Variants in BRWD1 observed in about 807,000 individuals in gnomAD.
BRWD1 encodes bromodomain and WD repeat-containing protein 1.
Under a neutral mutation model 251.2 loss-of-function variants are expected in BRWD1, and 82 were observed. The ratio of observed to expected loss-of-function variants is 0.33; its 90% CI spans 0.27 to 0.39. The LOEUF is 0.39. BRWD1 is among the 10% of genes least tolerant of loss of function. The pLI is 1.00. For synonymous variants in BRWD1, 918 were observed against 902.8 expected, an observed-to-expected ratio of 1.02 and a Z score of -0.30; for missense variants, 2,233 against 2,711.6, an observed-to-expected ratio of 0.82 and a Z score of 3.92.
chr21:39,261,531 C>G (rs1366697073), intron 17 of BRWD1, among the ~76,000 whole-genome samples: 1 of 152,102 alleles, frequency 6.6e-6, no homozygotes, highest in African/African-American at 2.4e-5. Flanking sequence ...TTTCTACCCA[C>G]CCATGATCCA....
At chr21:39,302,834 C>T (rs919065130) in intron 4 of BRWD1, among the ~76,000 whole-genome samples, 3 of 151,046 alleles carry the variant, frequency 2.0e-5, no homozygotes, top group African/African-American at 7.3e-5. Flanking sequence ...CCCAGACAGG[C>T]GGATCACTTG....
At chr21:39,313,358 A>AGCCGGGGGGGCCC (rs1568987332) in intron 1 of BRWD1, 59 bp from the exon 2 acceptor site, 9 of 1,462,836 alleles carry the variant, frequency 6.2e-6, no homozygotes, top group African/African-American at 4.4e-5. Context: ...GGACGGGGCC[A>AGCCGGGGGGGCCC]GGGGAGCCGG....
chr21:39,285,529 C>A (rs1175298688), intron 8 of BRWD1, among the ~76,000 whole-genome samples: 1 of 151,958 alleles, frequency 6.6e-6, no homozygotes, highest in Non-Finnish European at 1.5e-5. Context: ...ATATAATTAC[C>A]CTCATTTGAT....
rs976074496 is a variant in BRWD1, at chr21:39,189,992, T to A, written c.*6267A>T. 5.1e-6 allele frequency: 5 copies of A among 985,306 alleles called. No homozygotes were observed. The highest frequency in any genetic ancestry group is 6.0e-6 in the Non-Finnish European group (5 of 829,926). The allele number at this position is 985,306 out of a possible 1,614,324, so 61.0% of individuals were successfully genotyped here. A position where few individuals can be genotyped will look rare whatever the true frequency, so the allele number is the denominator to read the frequency against. ...TTGAGTGCTTGAGGACTTGTTTTCC[T>A]GGAAGTGATTCCCTACTTGGGTATG... On this transcript the variant is annotated 3_prime_UTR_variant, in exon 41 of 41. Coordinates refer to ENST00000342449, the MANE Select transcript of BRWD1 (RefSeq NM_033656.4).
intron 13 of BRWD1, among the ~76,000 whole-genome samples, chr21:39,273,649 AGGCTGAGATGGGGGGACT>A: frequency 9.4e-6 from 1 of 106,684 alleles, no homozygotes; most frequent in Middle Eastern, 5.8e-3. Context: ...ATGGGGGGAC[AGGCTGAGATGGGGGGACT>A]GCCTGAGGCC....
In BRWD1 at chr21:39,194,827, G is replaced by C; in HGVS notation, c.*1432C>G. 1 of 1,534,042 alleles carries C rather than the reference G, an allele frequency of 6.5e-7. No individual in the cohort carries two copies. The highest frequency in any genetic ancestry group is 8.7e-7 in the Non-Finnish European group (1 of 1,145,366). ...ACCAGTCTGATGCTTCACCTTATCTGCCACTTCAAAGATACACAGGAGAAA... is the reference window on the plus strand; with the variant it reads ...ACCAGTCTGATGCTTCACCTTATCTCCCACTTCAAAGATACACAGGAGAAA... On this transcript the variant is annotated 3_prime_UTR_variant, in exon 41 of 41. Transcript: ENST00000342449.
At chr21:39,244,286 G>C (rs1423179932) in intron 21 of BRWD1, among the ~76,000 whole-genome samples, 1 of 151,896 alleles carries the variant, frequency 6.6e-6, no homozygotes, top group East Asian at 1.9e-4. Flanking sequence ...GGATGGTCTT[G>C]ATCTCCTGCC....
intron 33 of BRWD1, 90 bp downstream of exon 33, chr21:39,213,391 G>C: frequency 1.2e-5 from 12 of 1,002,576 alleles, no homozygotes; most frequent in Non-Finnish European, 1.8e-5. Context: ...ACTACTACAA[G>C]AGTTGGTACT....
rs1336028342 is a variant in BRWD1, at chr21:39,298,591, A to G, written c.199-9T>C. 6.4e-7 allele frequency: 1 copy of G among 1,574,360 alleles called. No homozygotes were observed. Among genetic ancestry groups the G allele is most frequent in the East Asian group, 2.3e-5 (1 of 43,216 alleles). On this transcript the variant is annotated splice_polypyrimidine_tract_variant and intron_variant, in intron 4 of 40. Coordinates refer to ENST00000342449, the MANE Select transcript of BRWD1 (RefSeq NM_033656.4). ...TGCTTATTGGACAAGACCTAGTTGG[A>G]GAGCAAGTTTTAATGACAACAGCTT...
Position 39,195,939 on chromosome 21 carries a change from G to C in BRWD1, c.*320C>G. 2 of 1,031,454 alleles carry C rather than the reference G, an allele frequency of 1.9e-6. No individual in the cohort carries two copies. Among genetic ancestry groups the C allele is most frequent in the African/African-American group, 1.7e-5 (1 of 58,752 alleles). 63.9% of individuals were successfully genotyped at this position (1,031,454 alleles called of 1,614,324 possible). ...ATAACTGCATGACACTTGCTGCCAT[G>C]AAAGTAATGCTCATTGGTTTTGATA... is the stretch of plus-strand genomic sequence containing the variant. On this transcript the variant is annotated 3_prime_UTR_variant, in exon 41 of 41. Transcript: ENST00000342449.
chr21:39,199,010 T>G lies in BRWD1; in HGVS notation c.5406A>C (p.Lys1802Asn). The part of the protein sequence containing the change: ...DSEPGRSGGR[K>N]YNTFHKNASF... The stretch of plus-strand genomic sequence containing the variant: ...TCGCATTCTTGTGAAATGTATTGTA[T>G]TTCCTACCACCAGATCTTCCTGGTT... The change falls in exon 40 of 41, where the codon AAA becomes AAC. Residue 1802 changes from lysine (K) to asparagine (N), a missense_variant. Lys to Asn is a moderately conservative substitution (Grantham distance 94, BLOSUM62 0). Around this residue, in one of 12 missense-constraint regions of BRWD1, gnomAD observed 928 missense variants for 970.0 expected, o/e 0.96. Coordinates refer to ENST00000342449, the MANE Select transcript of BRWD1 (RefSeq NM_033656.4). 2 of 1,614,184 alleles carry G rather than the reference T, an allele frequency of 1.2e-6. No homozygotes were observed. Among genetic ancestry groups the G allele is most frequent in the East Asian group, 4.5e-5 (2 of 44,888 alleles).
At chr21:39,206,326 T>A in intron 36 of BRWD1, 52 bp from the exon 37 acceptor site, 1 of 1,299,374 alleles carries the variant, frequency 7.7e-7, no homozygotes, top group Non-Finnish European at 1.1e-6. Flanking sequence ...TAAAAGTACT[T>A]AAGAAATAAT....
At chr21:39,297,282 T>A in intron 5 of BRWD1, 1 of 985,380 alleles carries the variant, frequency 1.0e-6, no homozygotes, top group South Asian at 4.7e-5. Flanking sequence ...AACAGACATA[T>A]TGCATTTTAC....
chr21:39,211,751 A>G (rs1347649056), intron 34 of BRWD1, among the ~76,000 whole-genome samples: 1 of 152,144 alleles, frequency 6.6e-6, no homozygotes, highest in Non-Finnish European at 1.5e-5. Context: ...ATTAAACGAA[A>G]ATGACTAATC....
intron 17 of BRWD1, among the ~76,000 whole-genome samples, chr21:39,260,342 C>A (rs1009849727): frequency 6.6e-6 from 1 of 152,068 alleles, no homozygotes; most frequent in Non-Finnish European, 1.5e-5. Context: ...TGCTATATTG[C>A]CCAGGCTGGT....
chr21:39,249,299 A>C (rs925765231), intron 20 of BRWD1, among the ~76,000 whole-genome samples: 1 of 152,220 alleles, frequency 6.6e-6, no homozygotes, highest in African/African-American at 2.4e-5. Context: ...CCAAAACCCT[A>C]TGACTCGCAA....
chr21:39,274,812 T>C (rs1037837498), intron 12 of BRWD1, among the ~76,000 whole-genome samples: 3 of 152,080 alleles, frequency 2.0e-5, no homozygotes, highest in Admixed American at 2.0e-4. Context: ...GAGGCCAAGG[T>C]GGGTGGATCA....
rs140156148 is a variant in BRWD1, at chr21:39,247,754, G to A, written c.2428C>T (p.Arg810Cys). The A allele has an allele frequency of 4.9e-4, 790 of 1,613,482 alleles. 18 individuals are homozygous for A. The South Asian group carries it at 8.2e-3, about 17-fold the overall frequency. ...RKYPNYGRRN[R>C]SWRELSSGNE... ...CCAGAAGATAACTCACGCCAGCTAC[G>A]ATTTCTTCTACCATAATTTGGATAT... The change falls in exon 21 of 41, where the codon CGT (arginine) becomes TGT (cysteine). Residue 810 changes from arginine (R) to cysteine (C), a missense_variant. Transcript: ENST00000342449.
intron 12 of BRWD1, 49 bp downstream of exon 12, chr21:39,276,124 T>C: frequency 6.6e-7 from 1 of 1,523,706 alleles, no homozygotes; most frequent in South Asian, 1.2e-5. Context: ...ATGTAGCACA[T>C]TATATTTGCC....
Sources: allele counts gnomAD v4.1 joint callset (sites outside exome capture counted in the v4.1 genomes callset), GRCh38; gene constraint gnomAD v4.1.1; regional missense constraint gnomAD v4.1.1; transcripts MANE v1.5; gene names NCBI Gene and HGNC (gene_info 2026-07-23, HGNC 2026-07-21).